Variants in BICD1 observed in about 807,000 individuals in gnomAD.
The protein encoded by BICD1 is BICD cargo adaptor 1.
A neutral mutation model predicts 92.5 loss-of-function variants in BICD1; 35 were observed. The observed-to-expected ratio is 0.38, with a 90% CI of 0.29 to 0.50. The LOEUF (loss-of-function observed/expected upper bound fraction) is 0.50. BICD1 is among the 20% of genes least tolerant of loss of function. The pLI is 0.93. For synonymous variants in BICD1, 429 were observed against 465.1 expected (o/e 0.92, Z 1.00); for missense variants, 950 against 1,189.8 (o/e 0.80, Z 2.97).
At chr12:32,164,323 C>T (rs972031790) in intron 1 of BICD1, among the ~76,000 whole-genome samples, 1 of 152,152 alleles carries the variant, frequency 6.6e-6, no homozygotes, top group African/African-American at 2.4e-5. Flanking sequence ...GGAATCTTTG[C>T]AGTTTTAATG....
chr12:32,158,974 C>T (rs1029571844), intron 1 of BICD1, among the ~76,000 whole-genome samples: 6 of 152,082 alleles, frequency 3.9e-5, no homozygotes, highest in African/African-American at 1.4e-4. Flanking sequence ...CGCTCTGTCG[C>T]CCAGGCTGGA....
At chr12:32,194,533 A>G (rs1297117658) in intron 1 of BICD1, among the ~76,000 whole-genome samples, 2 of 152,262 alleles carry the variant, frequency 1.3e-5, no homozygotes, top group African/African-American at 2.4e-5. Flanking sequence ...GCATTTCTGT[A>G]TACTGACAAC....
chr12:32,247,914 G>A (rs1008643404), intron 2 of BICD1, among the ~76,000 whole-genome samples: 8 of 151,784 alleles, frequency 5.3e-5, no homozygotes, highest in African/African-American at 1.7e-4. Flanking sequence ...GTGAAACCCC[G>A]TCTCTACTAA....
chr12:32,357,726 T>G (rs1440288427), intron 8 of BICD1, among the ~76,000 whole-genome samples: 1 of 152,202 alleles, frequency 6.6e-6, no homozygotes, highest in Admixed American at 6.5e-5. Flanking sequence ...CTCTGTGCAC[T>G]GCATCCCTGG....
intron 1 of BICD1, among the ~76,000 whole-genome samples, chr12:32,123,342 ACTTTCAGAGAG>A (rs1319143271): frequency 6.6e-6 from 1 of 152,132 alleles, no homozygotes; most frequent in Admixed American, 6.5e-5. Context: ...GAGATGGGAA[ACTTTCAGAGAG>A]CTTTGAGCAG....
intron 8 of BICD1, among the ~76,000 whole-genome samples, chr12:32,363,230 A>C (rs1041008565): frequency 4.6e-5 from 7 of 152,164 alleles, no homozygotes; most frequent in Admixed American, 3.9e-4. Context: ...GAGCTATAAT[A>C]TTCCATATTC....
At position 32,328,354 on chromosome 12, in the gene BICD1, G is replaced by C. The variant is rs1565674945; in HGVS notation, c.1899G>C (p.Arg633=). ...MNIYNLNAII[R]DQIKHLQKAV... ...TCTACAACCTTAATGCCATAATCCGGGACCAAATCAAGCATCTGCAGAAAG... is the reference window on the plus strand; with the variant it reads ...TCTACAACCTTAATGCCATAATCCGCGACCAAATCAAGCATCTGCAGAAAG... The change falls in exon 5 of 10, where the codon CGG becomes CGC. Residue 633 remains arginine, a synonymous_variant. Transcript: ENST00000652176. This position sits in a 1 kb window ranked among gnomAD's most constrained non-coding sequence, Gnocchi z 4.4. The C allele has an allele frequency of 6.2e-7, 1 of 1,614,058 alleles. No homozygotes were observed. The highest frequency in any genetic ancestry group is 8.5e-7 in the Non-Finnish European group (1 of 1,180,056).
intron 4 of BICD1, among the ~76,000 whole-genome samples, chr12:32,319,833 C>T (rs571730610): frequency 6.6e-6 from 1 of 152,124 alleles, no homozygotes. Flanking sequence ...CCTTGGTCTC[C>T]CAAAGTGCTG....
intron 1 of BICD1, among the ~76,000 whole-genome samples, chr12:32,175,275 C>T (rs1361736126): frequency 2.6e-5 from 4 of 152,092 alleles, no homozygotes; most frequent in Non-Finnish European, 5.9e-5. Context: ...CACTACTTTC[C>T]CTTTTCTTCT....
intron 1 of BICD1, among the ~76,000 whole-genome samples, chr12:32,172,053 C>G (rs1396747939): frequency 6.6e-6 from 1 of 151,840 alleles, no homozygotes; most frequent in East Asian, 1.9e-4. Context: ...TTCTTTGCAT[C>G]AATTTTCTCT....
At chr12:32,346,211 A>G (rs1255506604) in intron 8 of BICD1, among the ~76,000 whole-genome samples, 1 of 151,846 alleles carries the variant, frequency 6.6e-6, no homozygotes, top group African/African-American at 2.4e-5. Flanking sequence ...TTGACACACT[A>G]TATCCATAAT....
intron 1 of BICD1, among the ~76,000 whole-genome samples, chr12:32,203,692 G>A (rs572284472): frequency 3.3e-5 from 5 of 152,228 alleles, no homozygotes; most frequent in Admixed American, 1.3e-4. Context: ...GTAGTGGTTC[G>A]TCCATCCAGC....
chr12:32,216,563 T>G, intron 2 of BICD1, 104 bp downstream of exon 2: 1 of 1,255,532 alleles, frequency 8.0e-7, no homozygotes. Context: ...AGAGGAGCTG[T>G]ATTAAGCACG....
intron 2 of BICD1, among the ~76,000 whole-genome samples, chr12:32,223,442 G>A (rs1945593405): frequency 6.6e-6 from 1 of 151,286 alleles, no homozygotes; most frequent in Non-Finnish European, 1.5e-5. Flanking sequence ...GCTTGAACGT[G>A]AGAGGCAGGT....
chr12:32,203,020 T>C (rs1375974803), intron 1 of BICD1, among the ~76,000 whole-genome samples: 2 of 151,940 alleles, frequency 1.3e-5, no homozygotes, highest in African/African-American at 4.8e-5. Flanking sequence ...TGGGACATTA[T>C]AGGATAGCCT....
rs1944569965 is a variant in BICD1, at chr12:32,191,638, A to T, written c.214-24609A>T. On this transcript the variant is annotated intron_variant, in intron 1 of 9. Transcript: ENST00000652176. Reference sequence around the variant, plus strand: ...GTATATAATATATAATATATGTTATATATTATATGTTATATGCAATATATG... The same window carrying T: ...GTATATAATATATAATATATGTTATTTATTATATGTTATATGCAATATATG... Among the ~76,000 whole-genome samples, 3 of 147,730 alleles carry T rather than the reference A, an allele frequency of 2.0e-5. No homozygotes were observed. In the Admixed American group the frequency reaches 2.0e-4, roughly 10 times the overall value.
At chr12:32,338,542 A>G (rs1455689671) in intron 7 of BICD1, 1 of 370,442 alleles carries the variant, frequency 2.7e-6, no homozygotes, top group Non-Finnish European at 4.7e-6. Flanking sequence ...CAAATAATAT[A>G]TTTTCTATTT....
At chr12:32,124,491 A>C (rs1942260499) in intron 1 of BICD1, among the ~76,000 whole-genome samples, 1 of 152,184 alleles carries the variant, frequency 6.6e-6, no homozygotes, top group African/African-American at 2.4e-5. Flanking sequence ...GGAAAAATGC[A>C]TGTGAAGGAT....
rs761405616 is a variant in BICD1 at position 32,305,768 on chromosome 12, G to A, written c.651G>A (p.Leu217=). ...AGACGGTACTGCTGAACAGCCAGCT[G>A]GAAGATGCCATCCGATTGAAAGAGA... is the stretch of plus-strand genomic sequence containing the variant. ...EEETVLLNSQ[L]EDAIRLKEIA... is the part of the protein sequence containing the mutation. Residue 217 remains leucine (L), a synonymous_variant, in exon 4 of 10, where the codon CTG becomes CTA. Transcript: ENST00000652176. 2 of 1,614,172 alleles carry A rather than the reference G, an allele frequency of 1.2e-6. No homozygotes were observed. Among genetic ancestry groups the A allele is most frequent in the Non-Finnish European group, 1.7e-6 (2 of 1,180,028 alleles).
Sources: allele counts gnomAD v4.1 joint callset (sites outside exome capture counted in the v4.1 genomes callset), GRCh38; gene constraint gnomAD v4.1.1; non-coding constraint Gnocchi (gnomAD v3.1); transcripts MANE v1.5; gene names NCBI Gene and HGNC (gene_info 2026-07-23, HGNC 2026-07-21).